MTMR3: variants seen among roughly 807,000 people sequenced by gnomAD.
The protein encoded by MTMR3 is phosphatidylinositol-3,5-bisphosphate 3-phosphatase MTMR3.
A neutral mutation model predicts 132.4 loss-of-function variants in MTMR3; 32 were observed. That is an observed-to-expected ratio of 0.24 (90% CI 0.18 to 0.32). The LOEUF (loss-of-function observed/expected upper bound fraction) is 0.32, where lower values mean the gene tolerates loss of function less well. Among genes scored for constraint, MTMR3 ranks in the 10% least tolerant of loss-of-function variants. The probability of loss-of-function intolerance (pLI) is 1.00; values close to 1 mark genes in which losing one functional copy is unlikely to be tolerated. For synonymous variants in MTMR3, 556 were observed against 550.3 expected, an observed-to-expected ratio of 1.01 and a Z score of -0.14; for missense variants, 1,216 against 1,489.6, an observed-to-expected ratio of 0.82 and a Z score of 3.02.
chr22:29,970,959 T>A lies in MTMR3; in HGVS notation c.-84-17T>A. 7 of 346,830 alleles carry A rather than the reference T, an allele frequency of 2.0e-5. No homozygotes were observed. The highest frequency in any genetic ancestry group is 4.0e-5 in the Non-Finnish European group (7 of 176,314). The allele number at this position is 346,830 out of a possible 1,614,324, so 21.5% of individuals were successfully genotyped here. On this transcript the variant is annotated splice_polypyrimidine_tract_variant and intron_variant, in intron 2 of 19. Coordinates refer to ENST00000401950, the MANE Select transcript of MTMR3 (RefSeq NM_021090.4). ...TCTTTTTTTTTTCTTCTTCCCCCTC[T>A]TCCCCCCCACCCCCAGACTTCACCA...
At chr22:30,023,017 A>G (rs2067804438) in intron 19 of MTMR3, 1 of 423,578 alleles carries the variant, frequency 2.4e-6, no homozygotes, top group Non-Finnish European at 4.3e-6. Context: ...CAACATGGCT[A>G]CTATGAGCAA....
chr22:29,985,767 A>G (rs1356841294), intron 5 of MTMR3: 11 of 152,240 alleles, frequency 7.2e-5, no homozygotes, highest in African/African-American at 2.2e-4. Flanking sequence ...ATTTCAATGC[A>G]TAGAACCAAC....
Position 29,971,010 on chromosome 22 carries a change from G to A in MTMR3, c.-50G>A. ...TAAGGGAAAGAAGAGAGCCTTGTTG[G>A]ACACTGAAGAAGGGACGGGGATTTC... On this transcript the variant is annotated 5_prime_UTR_variant, in exon 3 of 20. Coordinates refer to ENST00000401950, the MANE Select transcript of MTMR3 (RefSeq NM_021090.4). The A allele has an allele frequency of 1.3e-6, 2 of 1,542,442 alleles. No individual in the cohort carries two copies. The highest frequency in any genetic ancestry group is 1.9e-5 in the Admixed American group (1 of 52,546).
chr22:29,956,700 C>A (rs1452393865), intron 1 of MTMR3, among the ~76,000 whole-genome samples: 1 of 152,104 alleles, frequency 6.6e-6, no homozygotes, highest in Non-Finnish European at 1.5e-5. Flanking sequence ...AGTACCTGTT[C>A]CTGTATTGGC....
chr22:29,921,456 C>A (rs1204523501), intron 1 of MTMR3, among the ~76,000 whole-genome samples: 2 of 152,184 alleles, frequency 1.3e-5, no homozygotes, highest in Non-Finnish European at 2.9e-5. Flanking sequence ...AATATCTAAA[C>A]CACGTCAAGG....
chr22:30,009,153 A>G (rs368967998), intron 12 of MTMR3, 24 bp downstream of exon 12: 1 of 1,474,390 alleles, frequency 6.8e-7, no homozygotes, highest in African/African-American at 1.4e-5. Flanking sequence ...CTTGGCTTTC[A>G]TTTTGCATTG....
chr22:29,978,424 G>T lies in MTMR3; in HGVS notation c.4-18G>T. On this transcript the variant is annotated intron_variant, in intron 3 of 19. Transcript: ENST00000401950. ...ATTAGAAGCTTTGAAATTATTTTAA[G>T]GTTTTGGACTTTTCCAGGATGAAGA... The T allele has an allele frequency of 6.3e-7, 1 of 1,591,402 alleles. No homozygotes were observed. The highest frequency in any genetic ancestry group is 1.1e-5 in the South Asian group (1 of 88,790).
intron 1 of MTMR3, among the ~76,000 whole-genome samples, chr22:29,896,867 T>TCACACACACACA (rs1491465662): frequency 1.0e-3 from 37 of 36,716 alleles, no homozygotes; most frequent in African/African-American, 1.6e-3. Flanking sequence ...AACAGGCTTG[T>TCACACACACACA]CTCACACACA....
At position 30,014,484 on chromosome 22, in the gene MTMR3, C is replaced by T. The variant is rs2067519010; in HGVS notation, c.1503+943C>T. 2.0e-5 allele frequency: 3 copies of T among 148,304 alleles called. 1 individual carries two copies. The South Asian group carries it at 6.3e-4, about 31-fold the overall frequency. The allele number at this position is 148,304 out of a possible 1,614,324, so 9.2% of individuals were successfully genotyped here. A position where few individuals can be genotyped will look rare whatever the true frequency, so the allele number is the denominator to read the frequency against. On this transcript the variant is annotated intron_variant, in intron 14 of 19. Transcript: ENST00000401950. ...TTGTTTCTGCCTCCTTTGCTGATTC[C>T]CCTTAATCCCTCCAGTTCTTTTTTT...
At chr22:29,984,189 C>G (rs908394071) in intron 5 of MTMR3, 2 of 152,052 alleles carry the variant, frequency 1.3e-5, no homozygotes, top group African/African-American at 2.4e-5. Flanking sequence ...TAGATTTAGA[C>G]TCATTATTTT....
chr22:29,918,015 T>C (rs2065340958), intron 1 of MTMR3, among the ~76,000 whole-genome samples: 1 of 152,236 alleles, frequency 6.6e-6, no homozygotes, highest in Admixed American at 6.5e-5. Flanking sequence ...CATTTTCCCC[T>C]CTGAAATCAC....
intron 15 of MTMR3, chr22:30,016,951 TG>T: frequency 2.5e-6 from 1 of 405,582 alleles, no homozygotes; most frequent in Non-Finnish European, 4.4e-6. Context: ...ACCCTAGACA[TG>T]AATCTTTTTT....
At position 30,007,236 on chromosome 22, in the gene MTMR3, C is replaced by T; in HGVS notation, c.794C>T (p.Ser265Phe). 2 of 1,614,184 alleles carry T rather than the reference C, an allele frequency of 1.2e-6. No homozygotes were observed. Among genetic ancestry groups the T allele is most frequent in the Non-Finnish European group, 1.7e-6 (2 of 1,180,030 alleles). The part of the protein sequence containing the change: ...QSVAKACASD[S>F]RSSGSKLSTR... ...GTAGCCAAAGCTTGTGCCTCTGACT[C>T]CCGATCGAGTGGCAGCAAGCTGTCA... Residue 265 changes from serine (S) to phenylalanine (F), a missense_variant, in exon 10 of 20, where the codon TCC (serine) becomes TTC (phenylalanine). By Grantham distance (155) the Ser-to-Phe change is radical. Coordinates refer to ENST00000401950, the MANE Select transcript of MTMR3 (RefSeq NM_021090.4).
intron 1 of MTMR3, among the ~76,000 whole-genome samples, chr22:29,904,760 A>T (rs888461684): frequency 6.6e-6 from 1 of 152,194 alleles, no homozygotes; most frequent in Non-Finnish European, 1.5e-5. Flanking sequence ...TAGAATAAGT[A>T]GCAAGGGGAG....
intron 2 of MTMR3, among the ~76,000 whole-genome samples, chr22:29,968,984 A>C (rs1331498537): frequency 6.6e-6 from 1 of 152,158 alleles, no homozygotes; most frequent in Non-Finnish European, 1.5e-5. Flanking sequence ...TAGTCATCTT[A>C]GCCTCTCCAT....
chr22:29,944,378 G>A (rs918988118), intron 1 of MTMR3, among the ~76,000 whole-genome samples: 1 of 151,824 alleles, frequency 6.6e-6, no homozygotes, highest in African/African-American at 2.4e-5. Context: ...TCTGACTTAC[G>A]TGTTAGTTTT....
rs2067958529 is a variant in MTMR3, at chr22:30,028,720, T to A, written c.*2919T>A. 6.6e-6 allele frequency: 1 copy of A among 152,374 alleles called. No homozygotes were observed. Among genetic ancestry groups the A allele is most frequent in the African/African-American group, 2.4e-5 (1 of 41,460 alleles). The allele number at this position is 152,374 out of a possible 1,614,324, so 9.4% of individuals were successfully genotyped here. A position where few individuals can be genotyped will look rare whatever the true frequency, so the allele number is the denominator to read the frequency against. On this transcript the variant is annotated 3_prime_UTR_variant, in exon 20 of 20. Coordinates refer to ENST00000401950, the MANE Select transcript of MTMR3 (RefSeq NM_021090.4). ...AGTCTCTCTAGGGTCACTTTCTGAA[T>A]GTACCTTCTACCTAAAGTATACAAA...
At chr22:29,978,290 T>C (rs2066669988) in intron 3 of MTMR3, 152 bp from the exon 4 acceptor site, 2 of 524,666 alleles carry the variant, frequency 3.8e-6, no homozygotes. Context: ...ATAGAAAAAC[T>C]TTTTAAGATC....
chr22:30,008,857 AT>A (rs1339983602), intron 11 of MTMR3, 160 bp from the exon 12 acceptor site: 41 of 514,940 alleles, frequency 8.0e-5, no homozygotes, highest in Non-Finnish European at 1.3e-4. Context: ...TGTTCCTCTT[AT>A]TATAAAGGAT....
Sources: allele counts gnomAD v4.1 joint callset (sites outside exome capture counted in the v4.1 genomes callset), GRCh38; gene constraint gnomAD v4.1.1; transcripts MANE v1.5; gene names NCBI Gene and HGNC (gene_info 2026-07-23, HGNC 2026-07-21).